The following PHACTR2 variants were observed in gnomAD, a reference collection of about 807,000 sequenced individuals.
PHACTR2 encodes the protein phosphatase and actin regulator 2.
Under a neutral mutation model 76.0 loss-of-function variants are expected in PHACTR2, and 30 were observed. The ratio of observed to expected loss-of-function variants is 0.39; its 90% CI spans 0.30 to 0.54. The LOEUF is 0.54. PHACTR2 is among the 20% of genes least tolerant of loss of function. PHACTR2 has a pLI of 0.61. For synonymous variants in PHACTR2, 292 were observed against 292.5 expected (o/e 1.00, Z 0.02); for missense variants, 696 against 781.1 (o/e 0.89, Z 1.30).
Position 143,753,760 on chromosome 6 carries a change from A to T in PHACTR2, c.302A>T (p.Asp101Val). 3 of 1,594,192 alleles carry T rather than the reference A, an allele frequency of 1.9e-6. No homozygotes were observed. The highest frequency in any genetic ancestry group is 1.7e-6 in the Non-Finnish European group (2 of 1,174,200). The part of the protein sequence containing the change: ...VLKELPDQDG[D>V]VTVNFENSNG... ...TGTTTCTTTCCCATTTTAGATGGAG[A>T]TGTAACAGTTAACTTTGAAAATTCA... is the stretch of plus-strand genomic sequence containing the variant. Residue 101 changes from aspartate to valine, a missense_variant, in exon 4 of 13, where the codon GAT becomes GTT. Asp to Val is a radical substitution (Grantham distance 152). Around this residue, in one of 2 missense-constraint regions of PHACTR2, gnomAD observed 460 missense variants for 450.9 expected, o/e 1.02. Coordinates refer to ENST00000440869, the MANE Select transcript of PHACTR2 (RefSeq NM_001100164.2). The surrounding 1 kb of genome is among the most constrained non-coding windows in gnomAD (Gnocchi z 4.6).
At position 143,688,448 on chromosome 6, in the gene PHACTR2, T is replaced by C. The variant is rs1172150932; in HGVS notation, c.46+10239T>C. On this transcript the variant is annotated intron_variant, in intron 1 of 12. Coordinates refer to ENST00000440869, the MANE Select transcript of PHACTR2 (RefSeq NM_001100164.2). The surrounding 1 kb of genome is among the most constrained non-coding windows in gnomAD (Gnocchi z 5.2). ...CCTTTCTCTGCACTGCAGGCTCAAA[T>C]GTGCAACTCCCTATTTGACAGGTCT... Among the ~76,000 whole-genome samples, 1 of 152,156 alleles carries C rather than the reference T, an allele frequency of 6.6e-6. No homozygotes were observed. The highest frequency in any genetic ancestry group is 2.4e-5 in the African/African-American group (1 of 41,448).
chr6:143,538,114 A>G (rs1305731944), intron 1 of PHACTR2, among the ~76,000 whole-genome samples: 1 of 151,838 alleles, frequency 6.6e-6, no homozygotes. Context: ...ACACACACAC[A>G]AACACACAAA....
rs1775623808 is a variant in PHACTR2, at chr6:143,585,809, T to C, written c.217+48602T>C. On this transcript the variant is annotated intron_variant, in intron 1 of 11. Transcript: ENST00000367584. The surrounding 1 kb of genome is among the most constrained non-coding windows in gnomAD (Gnocchi z 5.2). ...AGGTAATTTCTGTTTCAAATTAGAT[T>C]TGGCTAGGGAATTAATGTAGCGCTG... Among the ~76,000 whole-genome samples the C allele has an allele frequency of 6.6e-6, 1 of 152,214 alleles. No homozygotes were observed. Among genetic ancestry groups the C allele is most frequent in the African/African-American group, 2.4e-5 (1 of 41,452 alleles).
chr6:143,808,944 A>G (rs1776119882), intron 12 of PHACTR2, among the ~76,000 whole-genome samples: 1 of 152,162 alleles, frequency 6.6e-6, no homozygotes, highest in African/African-American at 2.4e-5. Context: ...CTTCTGAAGT[A>G]AAGTTGATTA....
chr6:143,813,463 C>CA (rs1776224251), intron 12 of PHACTR2, among the ~76,000 whole-genome samples: 2 of 151,846 alleles, frequency 1.3e-5, no homozygotes, highest in Non-Finnish European at 2.9e-5. Flanking sequence ...ACTAAAAATA[C>CA]AAAAAATTAG....
chr6:143,630,388 C>T (rs1384058803), intron 1 of PHACTR2, among the ~76,000 whole-genome samples: 1 of 151,438 alleles, frequency 6.6e-6, no homozygotes, highest in Non-Finnish European at 1.5e-5. Flanking sequence ...AAATTAAATA[C>T]AATTGTAGAA....
rs1775763040 is a variant in PHACTR2 at position 143,597,072 on chromosome 6, T to C, written c.217+59865T>C. ...ATCAAGGTCACATTCTTCTGCTCTA[T>C]ACTCTGGATCTTTCTACACTTGGCA... On this transcript the variant is annotated intron_variant, in intron 1 of 11. Transcript: ENST00000367584. The surrounding 1 kb of genome is among the most constrained non-coding windows in gnomAD (Gnocchi z 5.7). Among the ~76,000 whole-genome samples, 2 of 152,216 alleles carry C rather than the reference T, an allele frequency of 1.3e-5. No homozygotes were observed. The highest frequency in any genetic ancestry group is 2.9e-5 in the Non-Finnish European group (2 of 68,032).
rs182948212 is a variant in PHACTR2, at chr6:143,560,001, G to T, written c.217+22794G>T. Among the ~76,000 whole-genome samples the T allele has an allele frequency of 2.0e-5, 3 of 152,100 alleles. No homozygotes were observed. In the East Asian group the frequency reaches 5.8e-4, roughly 29 times the overall value. ...GCTGGGATTACAGGTGTGAGCCACC[G>T]TGCCCAGCTGTTATTTTTCAATACT... is the stretch of plus-strand genomic sequence containing the variant. On this transcript the variant is annotated intron_variant, in intron 1 of 11. Coordinates refer to the PHACTR2 transcript ENST00000367584.
chr6:143,771,160 A>ATATATATATATG (rs1775101587), intron 6 of PHACTR2, among the ~76,000 whole-genome samples: 3 of 21,574 alleles, frequency 1.4e-4, no homozygotes, highest in African/African-American at 4.8e-4. Flanking sequence ...ATATATATGT[A>ATATATATATATG]TATATATATA....
Position 143,552,949 on chromosome 6 carries a change from A to T in PHACTR2, c.217+15742A>T, listed in dbSNP as rs573509541. Among the ~76,000 whole-genome samples the T allele has an allele frequency of 2.0e-4, 30 of 152,086 alleles. No individual in the cohort carries two copies. In the East Asian group the frequency reaches 3.7e-3, roughly 19 times the overall value. ...ACCAACCGAACAAACCAAAAAACACATTGAAGAAACCTTTAGGAAAACCGG... is the reference window on the plus strand; with the variant it reads ...ACCAACCGAACAAACCAAAAAACACTTTGAAGAAACCTTTAGGAAAACCGG... On this transcript the variant is annotated intron_variant, in intron 1 of 11. Transcript: ENST00000367584.
chr6:143,819,935 T>C lies in PHACTR2; in HGVS notation c.1923-3739T>C, dbSNP rs536695280. Among the ~76,000 whole-genome samples, 3 of 152,272 alleles carry C rather than the reference T, an allele frequency of 2.0e-5. No individual in the cohort carries two copies. In the East Asian group the frequency reaches 5.8e-4, roughly 29 times the overall value. On this transcript the variant is annotated intron_variant, in intron 12 of 12. Coordinates refer to ENST00000440869, the MANE Select transcript of PHACTR2 (RefSeq NM_001100164.2). The surrounding 1 kb of genome is among the most constrained non-coding windows in gnomAD (Gnocchi z 5.0). ...AGTTCTGCAGGCTGTACAGGAAGCA[T>C]AGCAGCATCTGCTTCTGGGGAGGCC...
At chr6:143,609,841 T>TA (rs1220003993) in intron 1 of PHACTR2, among the ~76,000 whole-genome samples, 1 of 152,234 alleles carries the variant, frequency 6.6e-6, no homozygotes, top group African/African-American at 2.4e-5. Context: ...TATGTAGGCT[T>TA]AAAAATGCTA....
At position 143,753,789 on chromosome 6, in the gene PHACTR2, G is replaced by A. The variant is rs1225668209; in HGVS notation, c.331G>A (p.Gly111Arg). Residue 111 changes from glycine (G) to arginine (R), a missense_variant, in exon 4 of 13, where the codon GGG becomes AGG. Transcript: ENST00000440869. This position sits in a 1 kb window ranked among gnomAD's most constrained non-coding sequence, Gnocchi z 4.6. ...DVTVNFENSN[G>R]HMIPIGEEST... ...AACAGTTAACTTTGAAAATTCAAACGGGCACATGATACCCATCGGAGAGGA... is the reference window on the plus strand; with the variant it reads ...AACAGTTAACTTTGAAAATTCAAACAGGCACATGATACCCATCGGAGAGGA... The A allele has an allele frequency of 1.9e-6, 3 of 1,604,926 alleles. No homozygotes were observed. Among genetic ancestry groups the A allele is most frequent in the Non-Finnish European group, 8.5e-7 (1 of 1,176,882 alleles).
Position 143,763,226 on chromosome 6 carries a change from G to A in PHACTR2, c.695-2035G>A, listed in dbSNP as rs148768191. 2.0e-3 allele frequency among the ~76,000 whole-genome samples: 297 copies of A among 152,168 alleles called. 1 individual carries two copies. The highest frequency in any genetic ancestry group is 6.9e-3 in the African/African-American group (285 of 41,518). On this transcript the variant is annotated intron_variant, in intron 5 of 12. Coordinates refer to ENST00000440869, the MANE Select transcript of PHACTR2 (RefSeq NM_001100164.2). Reference sequence around the variant, plus strand: ...ATACAAAAATTACCCAGGCGTGGTGGTGGGCACCTGTAATCCCAACTATTT... The same window carrying A: ...ATACAAAAATTACCCAGGCGTGGTGATGGGCACCTGTAATCCCAACTATTT...
Position 143,809,937 on chromosome 6 carries a change from C to G in PHACTR2, c.1922+2804C>G, listed in dbSNP as rs939601625. ...GACCAGCCTGGACAACATAGCAAACCCTGTCTCTACTAAAAATACAAAAAT... is the reference window on the plus strand; with the variant it reads ...GACCAGCCTGGACAACATAGCAAACGCTGTCTCTACTAAAAATACAAAAAT... On this transcript the variant is annotated intron_variant, in intron 12 of 12. Coordinates refer to ENST00000440869, the MANE Select transcript of PHACTR2 (RefSeq NM_001100164.2). The surrounding 1 kb of genome is among the most constrained non-coding windows in gnomAD (Gnocchi z 4.2). Among the ~76,000 whole-genome samples the G allele has an allele frequency of 6.6e-6, 1 of 151,894 alleles. No homozygotes were observed. Among genetic ancestry groups the G allele is most frequent in the Admixed American group, 6.6e-5 (1 of 15,244 alleles).
intron 1 of PHACTR2, among the ~76,000 whole-genome samples, chr6:143,564,171 A>ATGTGTGTGTGTATG (rs1385820174): frequency 2.6e-5 from 1 of 39,162 alleles, no homozygotes; most frequent in African/African-American, 8.3e-5. Context: ...GTGTGCATAT[A>ATGTGTGTGTGTATG]TGTGTGTGTG....
In PHACTR2 at chr6:143,627,873, C is replaced by T. The variant is rs771934150; in HGVS notation, c.13+19551C>T. On this transcript the variant is annotated intron_variant, in intron 1 of 11. Transcript: ENST00000305766. This position sits in a 1 kb window ranked among gnomAD's most constrained non-coding sequence, Gnocchi z 4.3. ...ACCTCGGCCTCCCAAAGTACAACCA[C>T]CACTTCTATCTGGTTCCAAAGCCTT... Among the ~76,000 whole-genome samples the T allele has an allele frequency of 6.6e-6, 1 of 152,124 alleles. No individual in the cohort carries two copies. The highest frequency in any genetic ancestry group is 1.5e-5 in the Non-Finnish European group (1 of 67,966).
rs1055577777 is a variant in PHACTR2 at position 143,710,899 on chromosome 6, T to C, written c.47-1117T>C. 1.5e-5 allele frequency: 6 copies of C among 407,358 alleles called. No individual in the cohort carries two copies. The highest frequency in any genetic ancestry group is 1.3e-4 in the African/African-American group (6 of 46,906). The allele number at this position is 407,358 out of a possible 1,614,324, so 25.2% of individuals were successfully genotyped here. A position where few individuals can be genotyped will look rare whatever the true frequency, so the allele number is the denominator to read the frequency against. On this transcript the variant is annotated intron_variant, in intron 1 of 12. Transcript: ENST00000440869. The surrounding 1 kb of genome is among the most constrained non-coding windows in gnomAD (Gnocchi z 4.9). The stretch of plus-strand genomic sequence containing the variant: ...CTTAACATTTTGCTATATTTTACTT[T>C]ATTGCACTTTTATCCATCTGCCTTT...
chr6:143,601,092 C>T (rs1344044066), intron 1 of PHACTR2, among the ~76,000 whole-genome samples: 1 of 152,166 alleles, frequency 6.6e-6, no homozygotes, highest in Admixed American at 6.5e-5. Context: ...CTCATTCTTG[C>T]TGTTATGTTT....
Sources: allele counts gnomAD v4.1 joint callset (sites outside exome capture counted in the v4.1 genomes callset), GRCh38; gene constraint gnomAD v4.1.1; regional missense constraint gnomAD v4.1.1; non-coding constraint Gnocchi (gnomAD v3.1); transcripts MANE v1.5; gene names NCBI Gene and HGNC (gene_info 2026-07-23, HGNC 2026-07-21).